Variants in RAB6B observed in about 807,000 individuals in gnomAD.
RAB6B encodes RAB6B, member RAS oncogene family.
RAB6B carries 7 observed loss-of-function variants against 31.2 expected under a neutral mutation model. That is an observed-to-expected ratio of 0.22 (90% CI 0.13 to 0.42). The LOEUF is 0.42. Ranked by LOEUF, RAB6B falls within the 10% of genes least tolerant of loss-of-function variation. The pLI is 1.00. For synonymous variants in RAB6B, 105 were observed against 104.9 expected, an observed-to-expected ratio of 1.00 and a Z score of -0.01; for missense variants, 149 against 280.6, an observed-to-expected ratio of 0.53 and a Z score of 3.35.
At chr3:133,846,945 TAA>T (rs1198611883) in intron 2 of RAB6B, among the ~76,000 whole-genome samples, 2 of 152,248 alleles carry the variant, frequency 1.3e-5, no homozygotes, top group Non-Finnish European at 2.9e-5. Flanking sequence ...GCACTCATTA[TAA>T]GAGATGCTTT....
Position 133,853,006 on chromosome 3 carries a change from C to T in RAB6B, c.130-11343G>A, listed in dbSNP as rs543066991. Among the ~76,000 whole-genome samples the T allele has an allele frequency of 3.9e-5, 6 of 152,274 alleles. No individual in the cohort carries two copies. The East Asian group carries it at 9.7e-4, about 24-fold the overall frequency. On this transcript the variant is annotated intron_variant, in intron 2 of 7. Transcript: ENST00000285208. ...ATCTCCCCTACCCTCTTTTCCTTTCCGATGCTAGTTTTTCCTCCTCTGCAT... is the reference window on the plus strand; with the variant it reads ...ATCTCCCCTACCCTCTTTTCCTTTCTGATGCTAGTTTTTCCTCCTCTGCAT...
chr3:133,892,771 G>A (rs1017465024), intron 1 of RAB6B, among the ~76,000 whole-genome samples: 4 of 152,190 alleles, frequency 2.6e-5, no homozygotes, highest in East Asian at 1.9e-4. Context: ...AAAAGAGCGA[G>A]CCAGGGCCAG....
intron 5 of RAB6B, 146 bp from the exon 6 acceptor site, chr3:133,838,405 C>G (rs1935773543): frequency 8.3e-6 from 6 of 726,628 alleles, no homozygotes; most frequent in Non-Finnish European, 1.5e-5. Context: ...AGGGTCCCTC[C>G]CGGGCACCAA....
At chr3:133,837,216 G>A (rs1234770839) in intron 6 of RAB6B, among the ~76,000 whole-genome samples, 1 of 152,084 alleles carries the variant, frequency 6.6e-6, no homozygotes, top group Non-Finnish European at 1.5e-5. Context: ...GACCCCTCTG[G>A]CAATCTGGTT....
chr3:133,869,935 C>T (rs1430474882), intron 1 of RAB6B, among the ~76,000 whole-genome samples: 1 of 152,184 alleles, frequency 6.6e-6, no homozygotes, highest in Non-Finnish European at 1.5e-5. Flanking sequence ...ACTACAAATT[C>T]GTGAGCGATG....
At chr3:133,855,082 G>T (rs892978182) in intron 2 of RAB6B, among the ~76,000 whole-genome samples, 54 of 152,258 alleles carry the variant, frequency 3.5e-4, no homozygotes, top group Admixed American at 3.5e-3. Flanking sequence ...AGCTGGGCAT[G>T]ACAAGCCTTT....
chr3:133,842,727 G>A (rs1935853588), intron 2 of RAB6B, among the ~76,000 whole-genome samples: 1 of 152,202 alleles, frequency 6.6e-6, no homozygotes, highest in South Asian at 2.1e-4. Context: ...TGTTTTCTTA[G>A]ACACTGAAGT....
intron 4 of RAB6B, 43 bp downstream of exon 4, chr3:133,841,242 C>A (rs372537230): frequency 8.8e-6 from 14 of 1,597,284 alleles, no homozygotes; most frequent in African/African-American, 4.0e-5. Flanking sequence ...GGGCCCTGGA[C>A]CCCCTATGAG....
intron 2 of RAB6B, among the ~76,000 whole-genome samples, chr3:133,847,238 T>C (rs948006836): frequency 1.3e-5 from 2 of 152,214 alleles, no homozygotes; most frequent in East Asian, 3.8e-4. Context: ...GCTAAGAAAA[T>C]GGAAGACAAG....
intron 1 of RAB6B, among the ~76,000 whole-genome samples, chr3:133,882,598 C>G (rs980124225): frequency 6.6e-6 from 1 of 152,218 alleles, no homozygotes; most frequent in African/African-American, 2.4e-5. Context: ...CTGGCCTGGG[C>G]AGAGGCTGAG....
At chr3:133,850,393 G>A (rs965460843) in intron 2 of RAB6B, among the ~76,000 whole-genome samples, 2 of 152,172 alleles carry the variant, frequency 1.3e-5, no homozygotes, top group African/African-American at 4.8e-5. Flanking sequence ...CCCAGATGTT[G>A]AAAATAGCCA....
chr3:133,838,735 A>C (rs897405905), intron 5 of RAB6B, among the ~76,000 whole-genome samples: 10 of 152,298 alleles, frequency 6.6e-5, no homozygotes, highest in East Asian at 5.8e-4. Context: ...GAGGGTATGA[A>C]GGGCCTGGGT....
chr3:133,855,667 G>A (rs1401544587), intron 2 of RAB6B, among the ~76,000 whole-genome samples: 3 of 152,126 alleles, frequency 2.0e-5, no homozygotes, highest in Non-Finnish European at 4.4e-5. Context: ...TCCAGGTGTC[G>A]GACTTTTGAG....
At chr3:133,851,699 G>T (rs1935986838) in intron 2 of RAB6B, among the ~76,000 whole-genome samples, 2 of 152,162 alleles carry the variant, frequency 1.3e-5, no homozygotes, top group Admixed American at 6.5e-5. Flanking sequence ...TGCACGACTG[G>T]GAACACTAAC....
At chr3:133,881,427 GAGCC>G (rs1936465439) in intron 1 of RAB6B, among the ~76,000 whole-genome samples, 1 of 152,192 alleles carries the variant, frequency 6.6e-6, no homozygotes, top group Non-Finnish European at 1.5e-5. Flanking sequence ...CCACTAATCT[GAGCC>G]CAGAAGGCTT....
At chr3:133,842,016 T>C (rs73861234) in intron 2 of RAB6B, among the ~76,000 whole-genome samples, 4,049 of 152,308 alleles carry the variant, frequency 0.027, 47 homozygotes, top group African/African-American at 0.037. Flanking sequence ...CCCTGCCTTG[T>C]TCCCTTCATG....
At chr3:133,841,566 A>G in intron 3 of RAB6B, 44 bp downstream of exon 3, 1 of 1,606,314 alleles carries the variant, frequency 6.2e-7, no homozygotes, top group Non-Finnish European at 8.5e-7. Context: ...ATAAGCCCAA[A>G]GGAACCCTCC....
At chr3:133,871,989 G>A (rs1476398562) in intron 1 of RAB6B, among the ~76,000 whole-genome samples, 1 of 152,228 alleles carries the variant, frequency 6.6e-6, no homozygotes, top group East Asian at 1.9e-4. Context: ...AGGCAGGACA[G>A]ATGTGGCATA....
intron 1 of RAB6B, among the ~76,000 whole-genome samples, chr3:133,876,532 G>A (rs1936399610): frequency 6.6e-6 from 1 of 152,032 alleles, no homozygotes; most frequent in African/African-American, 2.4e-5. Context: ...AGAGAAAGCT[G>A]GACCACAAAT....
Sources: gnomAD v4.1 joint callset for allele counts (sites outside exome capture counted in the v4.1 genomes callset) on GRCh38, gnomAD v4.1.1 for gene constraint, MANE v1.5 for transcripts, NCBI Gene and HGNC (gene_info 2026-07-23, HGNC 2026-07-21) for gene names.